Variants in ABCE1 observed in about 807,000 individuals in gnomAD.
ABCE1 encodes the protein ATP binding cassette subfamily E member 1.
Under a neutral mutation model 83.4 loss-of-function variants are expected in ABCE1, and 22 were observed. The ratio of observed to expected loss-of-function variants is 0.26; its 90% CI spans 0.19 to 0.38. ABCE1 has a LOEUF of 0.38. ABCE1 is among the 10% of genes least tolerant of loss of function. The probability of loss-of-function intolerance (pLI) is 1.00; values close to 1 mark genes in which losing one functional copy is unlikely to be tolerated. For synonymous variants in ABCE1, 204 were observed against 233.7 expected (o/e 0.87, Z 1.16); for missense variants, 330 against 721.9 (o/e 0.46, Z 6.22).
At chr4:145,114,665 GA>G (rs4148241) in intron 9 of ABCE1, among the ~76,000 whole-genome samples, 3 of 150,170 alleles carry the variant, frequency 2.0e-5, no homozygotes, top group East Asian at 2.0e-4. Context: ...GGACCTCGGG[GA>G]AAAAAAAACT....
At chr4:145,101,896 T>G (rs1749163305) in intron 1 of ABCE1, among the ~76,000 whole-genome samples, 1 of 152,114 alleles carries the variant, frequency 6.6e-6, no homozygotes, top group South Asian at 2.1e-4. Flanking sequence ...TGACTAAAGA[T>G]AGAAATTTGG....
intron 10 of ABCE1, 57 bp downstream of exon 10, chr4:145,117,471 A>G: frequency 1.3e-6 from 2 of 1,537,848 alleles, no homozygotes; most frequent in South Asian, 1.2e-5. Flanking sequence ...TAATGCTTAT[A>G]AACTACATTA....
At chr4:145,127,478 T>C (rs568999809) in intron 17 of ABCE1, 48 bp from the exon 18 acceptor site, 5 of 1,508,886 alleles carry the variant, frequency 3.3e-6, no homozygotes, top group Non-Finnish European at 4.5e-6. Context: ...CTTTTACCTA[T>C]AGTAGAATCG....
rs938514943 is a variant in ABCE1 at position 145,098,382 on chromosome 4, C to T, written c.-65C>T. 1.3e-5 allele frequency: 2 copies of T among 152,378 alleles called. No homozygotes were observed. The highest frequency in any genetic ancestry group is 4.8e-5 in the African/African-American group (2 of 41,476). The allele number at this position is 152,378 out of a possible 1,614,324, so 9.4% of individuals were successfully genotyped here. Reference sequence around the variant, plus strand: ...AAGTGAAGGCAAGAGCTGATTTGGCCTCTGTGCTCCCCTCCGCAAGGGGAT... The same window carrying T: ...AAGTGAAGGCAAGAGCTGATTTGGCTTCTGTGCTCCCCTCCGCAAGGGGAT... On this transcript the variant is annotated 5_prime_UTR_variant, in exon 1 of 18. Transcript: ENST00000296577.
chr4:145,127,355 T>C (rs1579226418), intron 17 of ABCE1, among the ~76,000 whole-genome samples, 171 bp from the exon 18 acceptor site: 1 of 152,218 alleles, frequency 6.6e-6, no homozygotes, highest in South Asian at 2.1e-4. Flanking sequence ...GAGGTAGTTA[T>C]CTTTCCTTTG....
intron 17 of ABCE1, among the ~76,000 whole-genome samples, chr4:145,125,561 G>A (rs544412873): frequency 5.3e-5 from 8 of 152,154 alleles, no homozygotes; most frequent in South Asian, 2.1e-4. Flanking sequence ...TTTAGTGTGC[G>A]GTAGGCAGCA....
At chr4:145,126,545 T>C (rs1749894097) in intron 17 of ABCE1, among the ~76,000 whole-genome samples, 1 of 152,210 alleles carries the variant, frequency 6.6e-6, no homozygotes, top group Admixed American at 6.5e-5. Context: ...TCCACCTGCC[T>C]TGGCCTCCCA....
At chr4:145,122,902 ATC>A in intron 13 of ABCE1, 117 bp from the exon 14 acceptor site, 2 of 645,150 alleles carry the variant, frequency 3.1e-6, no homozygotes, top group Non-Finnish European at 5.2e-6. Context: ...ACACATTGAT[ATC>A]TGTTGGTGGC....
chr4:145,125,995 C>T (rs1432591494), intron 17 of ABCE1, among the ~76,000 whole-genome samples: 3 of 152,174 alleles, frequency 2.0e-5, no homozygotes, highest in Non-Finnish European at 2.9e-5. Flanking sequence ...GAGCTGAGAT[C>T]GTTCCACTGT....
At chr4:145,123,439 G>A in intron 15 of ABCE1, 39 bp from the exon 16 acceptor site, 2 of 1,589,878 alleles carry the variant, frequency 1.3e-6, no homozygotes, top group Non-Finnish European at 1.7e-6. Flanking sequence ...AATGTTTTAT[G>A]ATAGAAAGCT....
chr4:145,123,264 G>C lies in ABCE1; in HGVS notation c.1424G>C (p.Cys475Ser). 1 of 1,612,512 alleles carries C rather than the reference G, an allele frequency of 6.2e-7. No individual in the cohort carries two copies. Among genetic ancestry groups the C allele is most frequent in the East Asian group, 2.2e-5 (1 of 44,856 alleles). Reference protein sequence around the residue: ...GELQRVALALCLGKPADVYLI... With the variant: ...GELQRVALALSLGKPADVYLI... ...CTACAGCGAGTAGCTTTAGCCCTTT[G>C]CTTGGGCAAACCTGCTGATGTCTAT... The change falls in exon 15 of 18, where the codon TGC (cysteine) becomes TCC (serine). Residue 475 changes from cysteine (C) to serine (S), a missense_variant. Transcript: ENST00000296577.
At chr4:145,109,107 T>C in intron 4 of ABCE1, 25 bp from the exon 5 acceptor site, 1 of 1,515,332 alleles carries the variant, frequency 6.6e-7, no homozygotes, top group Non-Finnish European at 9.1e-7. Flanking sequence ...TGAGTTGTTT[T>C]ATTATTTTTG....
rs1749584391 is a variant in ABCE1 at position 145,115,401 on chromosome 4, T to C, written c.801-1892T>C. ...GGATTAGTGCCAACAAAGACACCGATGCAAGATGAGTATCACCAGCTCACC... is the reference window on the plus strand; with the variant it reads ...GGATTAGTGCCAACAAAGACACCGACGCAAGATGAGTATCACCAGCTCACC... On this transcript the variant is annotated intron_variant, in intron 9 of 17. Coordinates refer to ENST00000296577, the MANE Select transcript of ABCE1 (RefSeq NM_002940.3). 1.3e-5 allele frequency among the ~76,000 whole-genome samples: 2 copies of C among 152,144 alleles called. 1 individual carries two copies. The highest frequency in any genetic ancestry group is 1.3e-4 in the Admixed American group (2 of 15,282).
chr4:145,106,045 A>C (rs1749295112), intron 3 of ABCE1, among the ~76,000 whole-genome samples: 1 of 151,838 alleles, frequency 6.6e-6, no homozygotes, highest in African/African-American at 2.4e-5. Flanking sequence ...ACACAGCCAA[A>C]AATTTTAAAA....
Position 145,121,242 on chromosome 4 carries a change from G to T in ABCE1, c.1204+9G>T. 1 of 1,613,770 alleles carries T rather than the reference G, an allele frequency of 6.2e-7. No individual in the cohort carries two copies. The highest frequency in any genetic ancestry group is 8.5e-7 in the Non-Finnish European group (1 of 1,179,830). On this transcript the variant is annotated intron_variant, in intron 12 of 17. Transcript: ENST00000296577. ...TAAACCTGATGAAGGAGGTACATTTGTAACTGTTGAGTCTTTTTACTCTGT... is the reference window on the plus strand; with the variant it reads ...TAAACCTGATGAAGGAGGTACATTTTTAACTGTTGAGTCTTTTTACTCTGT...
chr4:145,125,438 A>G (rs1749853848), intron 17 of ABCE1, among the ~76,000 whole-genome samples: 2 of 152,178 alleles, frequency 1.3e-5, no homozygotes, highest in African/African-American at 4.8e-5. Context: ...ACTGTACTCC[A>G]GCCTGGGCAA....
At chr4:145,118,179 A>G (rs775891666) in intron 10 of ABCE1, among the ~76,000 whole-genome samples, 11 of 151,428 alleles carry the variant, frequency 7.3e-5, no homozygotes, top group Non-Finnish European at 1.5e-4. Context: ...AAAAAATACC[A>G]TCTCCTAGAA....
At chr4:145,101,031 C>G (rs1749136412) in intron 1 of ABCE1, among the ~76,000 whole-genome samples, 1 of 151,196 alleles carries the variant, frequency 6.6e-6, no homozygotes, top group African/African-American at 2.4e-5. Context: ...ATACACACAC[C>G]CACGATAGAT....
intron 3 of ABCE1, among the ~76,000 whole-genome samples, chr4:145,106,312 A>G (rs1386049468): frequency 6.6e-6 from 1 of 152,030 alleles, no homozygotes; most frequent in African/African-American, 2.4e-5. Flanking sequence ...ATACCACACT[A>G]TTGTTCAAAT....
Sources: gnomAD v4.1 joint callset for allele counts (sites outside exome capture counted in the v4.1 genomes callset) on GRCh38, gnomAD v4.1.1 for gene constraint, MANE v1.5 for transcripts, NCBI Gene and HGNC (gene_info 2026-07-23, HGNC 2026-07-21) for gene names.